The following IMMP2L variants were observed in gnomAD, a reference collection of about 807,000 sequenced individuals.
The protein encoded by IMMP2L is mitochondrial inner membrane protease subunit 2.
Under a neutral mutation model 19.3 loss-of-function variants are expected in IMMP2L, and 18 were observed. The ratio of observed to expected loss-of-function variants is 0.93; its 90% CI spans 0.64 to 1.38. The LOEUF is 1.38. Ranked by LOEUF, IMMP2L falls within the 40% of genes most tolerant of loss-of-function variation. The pLI, the probability that IMMP2L is intolerant of heterozygous loss-of-function variation, is 0.00. For missense variants in IMMP2L, 233 were observed against 218.2 expected (o/e 1.07, Z -0.43); for synonymous variants, 76 against 73.0 (o/e 1.04, Z -0.21).
At chr7:111,023,038 C>G (rs1160886155) in intron 3 of IMMP2L, among the ~76,000 whole-genome samples, 1 of 152,168 alleles carries the variant, frequency 6.6e-6, no homozygotes, top group South Asian at 2.1e-4. Context: ...AGAAGTCATA[C>G]ATAATGTAGC....
At chr7:111,281,216 A>AAGAAAGAAAGAGAAAGAAAG (rs1293249599) in intron 3 of IMMP2L, among the ~76,000 whole-genome samples, 1 of 38,762 alleles carries the variant, frequency 2.6e-5, no homozygotes, top group African/African-American at 9.7e-5. Flanking sequence ...GAAAGAAAGA[A>AAGAAAGAAAGAGAAAGAAAG]AAAGAAAGAA....
chr7:110,874,193 T>C (rs1334693935), intron 5 of IMMP2L, among the ~76,000 whole-genome samples: 1 of 152,132 alleles, frequency 6.6e-6, no homozygotes, highest in African/African-American at 2.4e-5. Flanking sequence ...AATAGTCTCA[T>C]GGCCATTTGG....
At chr7:111,214,329 TTC>T (rs1562934004) in intron 3 of IMMP2L, among the ~76,000 whole-genome samples, 2 of 85,880 alleles carry the variant, frequency 2.3e-5, no homozygotes, top group East Asian at 3.0e-4. Context: ...GTAATTTTTC[TTC>T]TTTTTTTTTT....
At chr7:111,354,851 T>C (rs777729942) in intron 3 of IMMP2L, among the ~76,000 whole-genome samples, 1 of 151,760 alleles carries the variant, frequency 6.6e-6, no homozygotes, top group Non-Finnish European at 1.5e-5. Context: ...CTATAAAATT[T>C]AACCAAAGGA....
chr7:110,950,841 C>CATATATAT (rs34797718), intron 4 of IMMP2L, among the ~76,000 whole-genome samples: 1,171 of 100,508 alleles, frequency 0.012, 14 homozygotes, highest in Non-Finnish European at 0.014. Flanking sequence ...CAAAATGTGG[C>CATATATAT]ATATATATAT....
At chr7:110,697,298 A>G (rs889904528) in intron 5 of IMMP2L, among the ~76,000 whole-genome samples, 3 of 152,236 alleles carry the variant, frequency 2.0e-5, no homozygotes, top group Non-Finnish European at 4.4e-5. Context: ...CATAGCTGAA[A>G]CACATTGATT....
At chr7:110,780,638 A>AT (rs1799675855) in intron 5 of IMMP2L, among the ~76,000 whole-genome samples, 1 of 151,544 alleles carries the variant, frequency 6.6e-6, no homozygotes, top group South Asian at 2.1e-4. Context: ...TTCCCCTCCC[A>AT]TTCTGGCTTA....
At chr7:111,548,296 A>T (rs916911153) in intron 1 of IMMP2L, among the ~76,000 whole-genome samples, 1 of 152,078 alleles carries the variant, frequency 6.6e-6, no homozygotes, top group Non-Finnish European at 1.5e-5. Flanking sequence ...TGCTTTTAAA[A>T]TTTTCTTCTC....
chr7:110,675,111 T>C (rs1273732148), intron 5 of IMMP2L, among the ~76,000 whole-genome samples: 2 of 152,222 alleles, frequency 1.3e-5, no homozygotes, highest in Admixed American at 6.6e-5. Context: ...TCTTATTTTC[T>C]TGACCTCCCA....
intron 3 of IMMP2L, among the ~76,000 whole-genome samples, chr7:111,267,105 C>T (rs1817916733): frequency 6.6e-6 from 1 of 152,122 alleles, no homozygotes; most frequent in African/African-American, 2.4e-5. Flanking sequence ...TTCAATTCTT[C>T]CATATGTCCA....
rs542199352 is a variant in IMMP2L at position 110,727,216 on chromosome 7, C to T, written c.409-63495G>A. ...CTGCCTGACCAACATGGTGAAACCA[C>T]GTCTCTACTAAAAATACAAAAAAAT... On this transcript the variant is annotated intron_variant, in intron 5 of 5. Coordinates refer to ENST00000405709, the MANE Select transcript of IMMP2L (RefSeq NM_032549.4). This position sits in a 1 kb window ranked among gnomAD's most constrained non-coding sequence, Gnocchi z 4.3. Among the ~76,000 whole-genome samples, 53 of 152,058 alleles carry T rather than the reference C, an allele frequency of 3.5e-4. No homozygotes were observed. Among genetic ancestry groups the T allele is most frequent in the African/African-American group, 1.3e-3 (52 of 41,482 alleles).
Position 111,129,145 on chromosome 7 carries a change from T to C in IMMP2L, c.240-165580A>G, listed in dbSNP as rs989539610. ...AAAACAACTAAAAAGTTTAAAAGTA[T>C]GCATGTATTAAGGAGTGAAAAAATC... On this transcript the variant is annotated intron_variant, in intron 3 of 5. Coordinates refer to ENST00000405709, the MANE Select transcript of IMMP2L (RefSeq NM_032549.4). Among the ~76,000 whole-genome samples, 7 of 152,052 alleles carry C rather than the reference T, an allele frequency of 4.6e-5. No homozygotes were observed. The East Asian group carries it at 1.4e-3, about 29-fold the overall frequency.
At chr7:111,506,816 A>G (rs546847119) in intron 2 of IMMP2L, among the ~76,000 whole-genome samples, 1 of 152,094 alleles carries the variant, frequency 6.6e-6, no homozygotes. Flanking sequence ...GTACCACCTT[A>G]TATCTTTCTG....
At chr7:111,232,018 T>A (rs1375249512) in intron 3 of IMMP2L, among the ~76,000 whole-genome samples, 1 of 152,018 alleles carries the variant, frequency 6.6e-6, no homozygotes, top group Admixed American at 6.6e-5. Context: ...ATTACTTTCA[T>A]ACATAGAGAC....
chr7:111,090,298 A>T (rs1796724831), intron 3 of IMMP2L, among the ~76,000 whole-genome samples: 1 of 152,102 alleles, frequency 6.6e-6, no homozygotes, highest in Admixed American at 6.5e-5. Flanking sequence ...TTTCAGAGTT[A>T]ATAGGCCTAA....
intron 3 of IMMP2L, among the ~76,000 whole-genome samples, chr7:111,156,291 G>A (rs1804636022): frequency 6.6e-6 from 1 of 152,054 alleles, no homozygotes; most frequent in Non-Finnish European, 1.5e-5. Flanking sequence ...TTTCAGAGTG[G>A]TTATACCAAC....
intron 3 of IMMP2L, among the ~76,000 whole-genome samples, chr7:111,146,806 G>A (rs747080682): frequency 2.0e-5 from 3 of 152,116 alleles, no homozygotes; most frequent in Non-Finnish European, 4.4e-5. Flanking sequence ...TGAATTAGAT[G>A]TGTTCTGGAG....
At chr7:110,851,940 C>T (rs903032872) in intron 5 of IMMP2L, among the ~76,000 whole-genome samples, 2 of 152,052 alleles carry the variant, frequency 1.3e-5, no homozygotes, top group Non-Finnish European at 2.9e-5. Context: ...TACATCCCTA[C>T]CCTTGAACAT....
chr7:110,889,964 A>ACCATT (rs1416901980), intron 4 of IMMP2L, among the ~76,000 whole-genome samples: 8 of 152,204 alleles, frequency 5.3e-5, no homozygotes, highest in Admixed American at 5.2e-4. Context: ...GTTCTGATGT[A>ACCATT]TAGTCAGAAC....
Sources: allele counts gnomAD v4.1 joint callset (sites outside exome capture counted in the v4.1 genomes callset), GRCh38; gene constraint gnomAD v4.1.1; non-coding constraint Gnocchi (gnomAD v3.1); transcripts MANE v1.5; gene names NCBI Gene and HGNC (gene_info 2026-07-23, HGNC 2026-07-21).